ROBO2: variants seen among roughly 807,000 people sequenced by gnomAD.
The protein encoded by ROBO2 is roundabout homolog 2.
ROBO2 carries 53 observed loss-of-function variants against 160.8 expected under a neutral mutation model. That is an observed-to-expected ratio of 0.33 (90% confidence interval 0.26 to 0.41). ROBO2 has a LOEUF of 0.41. ROBO2 is among the 10% of genes least tolerant of loss of function. The probability of loss-of-function intolerance (pLI) is 1.00; values close to 1 mark genes in which losing one functional copy is unlikely to be tolerated. For synonymous variants in ROBO2, 664 were observed against 611.7 expected, an observed-to-expected ratio of 1.09 and a Z score of -1.26; for missense variants, 1,577 against 1,722.4, an observed-to-expected ratio of 0.92 and a Z score of 1.49.
At chr3:76,609,969 G>C (rs2087958972) in intron 2 of ROBO2, among the ~76,000 whole-genome samples, 1 of 151,918 alleles carries the variant, frequency 6.6e-6, no homozygotes, top group Non-Finnish European at 1.5e-5. Flanking sequence ...CTGGGTTTTT[G>C]TCCTTCATTC....
At chr3:77,088,570 C>T (rs1306089708) in intron 1 of ROBO2, among the ~76,000 whole-genome samples, 1 of 152,008 alleles carries the variant, frequency 6.6e-6, no homozygotes, top group African/African-American at 2.4e-5. Context: ...CCTGAGAGAC[C>T]CCAGTGTGTG....
chr3:77,063,352 A>G (rs1249262542), intron 1 of ROBO2, among the ~76,000 whole-genome samples: 1 of 152,188 alleles, frequency 6.6e-6, no homozygotes, highest in Non-Finnish European at 1.5e-5. Context: ...AAGGAATAAA[A>G]TAGGAGGAGG....
intron 2 of ROBO2, among the ~76,000 whole-genome samples, chr3:77,122,118 A>T (rs2074837535): frequency 6.6e-6 from 1 of 152,168 alleles, no homozygotes; most frequent in Admixed American, 6.6e-5. Flanking sequence ...TGTGAATATA[A>T]AGTGCAACGA....
intron 2 of ROBO2, among the ~76,000 whole-genome samples, chr3:77,406,620 G>T (rs1319745218): frequency 6.6e-6 from 1 of 152,038 alleles, no homozygotes; most frequent in Non-Finnish European, 1.5e-5. Context: ...TTCTGTCCTT[G>T]TTTTATTTTT....
At chr3:76,421,990 T>C (rs1227214875) in intron 2 of ROBO2, among the ~76,000 whole-genome samples, 1 of 152,136 alleles carries the variant, frequency 6.6e-6, no homozygotes, top group African/African-American at 2.4e-5. Context: ...ACATATTGAG[T>C]ACCCAGTAAT....
chr3:77,384,672 T>A (rs2073913470), intron 2 of ROBO2, among the ~76,000 whole-genome samples: 2 of 152,176 alleles, frequency 1.3e-5, no homozygotes, highest in South Asian at 4.1e-4. Context: ...TTTTAACAAA[T>A]AAGATAATAA....
chr3:75,938,236 T>C (rs558035480), intron 2 of ROBO2, among the ~76,000 whole-genome samples: 126 of 152,090 alleles, frequency 8.3e-4, no homozygotes, highest in Admixed American at 4.1e-3. Context: ...AATAAGGCTT[T>C]CAATACTGAT....
chr3:76,584,515 C>T (rs372420880), intron 2 of ROBO2, among the ~76,000 whole-genome samples: 8 of 151,868 alleles, frequency 5.3e-5, no homozygotes, highest in Non-Finnish European at 1.0e-4. Flanking sequence ...CATAAAGGGA[C>T]GAAAATGTGA....
intron 2 of ROBO2, among the ~76,000 whole-genome samples, chr3:77,299,654 T>G (rs569313905): frequency 5.9e-5 from 9 of 152,282 alleles, no homozygotes; most frequent in Admixed American, 2.0e-4. Flanking sequence ...CTGGTTCTCT[T>G]CCATGATACG....
chr3:76,161,627 G>A (rs771377456), intron 2 of ROBO2, among the ~76,000 whole-genome samples: 29 of 151,880 alleles, frequency 1.9e-4, no homozygotes, highest in Admixed American at 3.9e-4. Context: ...TCTTTTTCTC[G>A]GAGATCTATT....
chr3:76,634,048 C>A (rs1196435122), intron 2 of ROBO2, among the ~76,000 whole-genome samples: 1 of 152,200 alleles, frequency 6.6e-6, no homozygotes, highest in East Asian at 1.9e-4. Flanking sequence ...TTGCTAACAT[C>A]ACAATTATGC....
rs2065335273 is a variant in ROBO2, at chr3:75,983,559, T to C, written c.109+45957T>C. The stretch of plus-strand genomic sequence containing the variant: ...ATTTGATGGTATCTAACATTTGACG[T>C]TGTGTTCTAAAAAACTGAATTGTGC... On this transcript the variant is annotated intron_variant, in intron 2 of 26. Coordinates refer to the ROBO2 transcript ENST00000487694. 2.6e-5 allele frequency among the ~76,000 whole-genome samples: 4 copies of C among 151,446 alleles called. No homozygotes were observed. In the Admixed American group the frequency reaches 2.6e-4, roughly 10 times the overall value.
At chr3:77,518,229 T>G (rs776646326) in intron 5 of ROBO2, among the ~76,000 whole-genome samples, 5 of 151,472 alleles carry the variant, frequency 3.3e-5, no homozygotes, top group Non-Finnish European at 7.4e-5. Flanking sequence ...ACTGATTGGT[T>G]GCATGCTGCA....
At chr3:76,238,052 T>C (rs569116166) in intron 2 of ROBO2, among the ~76,000 whole-genome samples, 4 of 152,268 alleles carry the variant, frequency 2.6e-5, no homozygotes, top group African/African-American at 9.6e-5. Flanking sequence ...TATCACATTA[T>C]GGGTACTATG....
chr3:76,648,088 T>A (rs1163058488), intron 2 of ROBO2, among the ~76,000 whole-genome samples: 1 of 152,146 alleles, frequency 6.6e-6, no homozygotes, highest in East Asian at 1.9e-4. Flanking sequence ...ATTCTCATAT[T>A]ATTGTGATAG....
chr3:76,391,476 A>G (rs2077147873), intron 2 of ROBO2, among the ~76,000 whole-genome samples: 2 of 151,310 alleles, frequency 1.3e-5, no homozygotes, highest in Admixed American at 1.3e-4. Flanking sequence ...TGTTATCTCC[A>G]TTTTTCTTCC....
chr3:77,227,858 T>C (rs965169000), intron 2 of ROBO2, among the ~76,000 whole-genome samples: 16 of 152,374 alleles, frequency 1.1e-4, no homozygotes, highest in Non-Finnish European at 1.8e-4. Context: ...TTTTCGCATG[T>C]ATGCAGAGAT....
intron 2 of ROBO2, among the ~76,000 whole-genome samples, chr3:76,157,990 A>G (rs551702841): frequency 6.6e-6 from 1 of 152,246 alleles, no homozygotes; most frequent in South Asian, 2.1e-4. Context: ...TTTAATTTGT[A>G]TATATTAGTA....
intron 2 of ROBO2, among the ~76,000 whole-genome samples, chr3:77,016,635 C>A (rs1323374601): frequency 6.6e-6 from 1 of 152,146 alleles, no homozygotes; most frequent in Admixed American, 6.6e-5. Context: ...TAACTTAATG[C>A]AATTTCTAGT....
Sources: gnomAD v4.1 joint callset for allele counts (sites outside exome capture counted in the v4.1 genomes callset) on GRCh38, gnomAD v4.1.1 for gene constraint, MANE v1.5 for transcripts, NCBI Gene and HGNC (gene_info 2026-07-23, HGNC 2026-07-21) for gene names.